Variants in MARCHF3 observed in about 807,000 individuals in gnomAD.
The protein encoded by MARCHF3 is E3 ubiquitin-protein ligase MARCHF3.
In MARCHF3, 13 loss-of-function variants were observed where a neutral mutation model predicts 24.2. The ratio of observed to expected loss-of-function variants is 0.54; its 90% CI spans 0.35 to 0.85. The LOEUF is 0.85. MARCHF3 is among the 40% of genes least tolerant of loss of function. MARCHF3 has a pLI of 0.01. For synonymous variants in MARCHF3, 144 were observed against 137.3 expected (o/e 1.05, Z -0.34); for missense variants, 276 against 325.0 (o/e 0.85, Z 1.16).
At chr5:126,945,642 G>A (rs1749985453) in intron 1 of MARCHF3, among the ~76,000 whole-genome samples, 1 of 152,196 alleles carries the variant, frequency 6.6e-6, no homozygotes, top group South Asian at 2.1e-4. Context: ...ACTTGACCCT[G>A]AGCACAATGG....
intron 1 of MARCHF3, among the ~76,000 whole-genome samples, chr5:126,950,449 T>C (rs761421924): frequency 2.7e-5 from 4 of 148,556 alleles, no homozygotes; most frequent in Non-Finnish European, 5.9e-5. Flanking sequence ...TAAGCTTGCT[T>C]TCACTTCATG....
At chr5:126,980,003 A>G (rs1751342220) in intron 1 of MARCHF3, among the ~76,000 whole-genome samples, 1 of 151,498 alleles carries the variant, frequency 6.6e-6, no homozygotes, top group Non-Finnish European at 1.5e-5. Context: ...ATACTAATTG[A>G]GCCTATTTCA....
At chr5:127,017,462 G>T (rs73787406) in intron 1 of MARCHF3, among the ~76,000 whole-genome samples, 7,825 of 152,220 alleles carry the variant, frequency 0.051, 381 homozygotes, top group South Asian at 0.14. Context: ...CAGAACATAA[G>T]TTGAAAATAT....
At chr5:126,964,052 CT>C (rs994680748) in intron 1 of MARCHF3, among the ~76,000 whole-genome samples, 2 of 152,174 alleles carry the variant, frequency 1.3e-5, no homozygotes, top group Non-Finnish European at 2.9e-5. Context: ...TCAGTTGATA[CT>C]TTGTAGGGTA....
intron 1 of MARCHF3, among the ~76,000 whole-genome samples, chr5:126,985,768 C>G (rs917736950): frequency 6.6e-6 from 1 of 152,188 alleles, no homozygotes; most frequent in African/African-American, 2.4e-5. Flanking sequence ...AGCCACTGCG[C>G]CCGGCCTACC....
intron 1 of MARCHF3, among the ~76,000 whole-genome samples, chr5:127,023,674 T>C (rs1304694487): frequency 6.6e-6 from 1 of 151,688 alleles, no homozygotes. Context: ...GAGGTTGCAG[T>C]GAGCTGAGAT....
intron 3 of MARCHF3, among the ~76,000 whole-genome samples, chr5:126,902,050 G>C (rs1057172635): frequency 6.6e-5 from 10 of 152,100 alleles, no homozygotes; most frequent in African/African-American, 2.4e-4. Context: ...TTGTACATTT[G>C]GAGTTAGCTG....
intron 1 of MARCHF3, among the ~76,000 whole-genome samples, chr5:126,992,453 T>C (rs1407942943): frequency 1.3e-5 from 2 of 152,116 alleles, no homozygotes; most frequent in African/African-American, 2.4e-5. Flanking sequence ...AGACAGAAAA[T>C]AATCATTTTC....
intron 3 of MARCHF3, among the ~76,000 whole-genome samples, chr5:126,897,456 T>C (rs1753961673): frequency 6.6e-6 from 1 of 151,904 alleles, no homozygotes; most frequent in African/African-American, 2.4e-5. Context: ...TTGCAAAATA[T>C]GAGATTAAAA....
intron 1 of MARCHF3, among the ~76,000 whole-genome samples, chr5:126,971,309 C>T (rs1381480412): frequency 6.6e-6 from 1 of 151,598 alleles, no homozygotes; most frequent in Non-Finnish European, 1.5e-5. Context: ...ATTAGCCGGG[C>T]GTGGTGGTGG....
intron 3 of MARCHF3, among the ~76,000 whole-genome samples, chr5:126,881,348 G>C (rs945008066): frequency 4.6e-5 from 7 of 152,124 alleles, no homozygotes; most frequent in Admixed American, 3.9e-4. Flanking sequence ...GCAGGTTTGT[G>C]AGCAAGATCA....
At chr5:127,007,184 A>G (rs1158903439) in intron 1 of MARCHF3, among the ~76,000 whole-genome samples, 1 of 152,050 alleles carries the variant, frequency 6.6e-6, no homozygotes, top group East Asian at 1.9e-4. Context: ...TTTCTTCAAC[A>G]AGATTTTGGC....
At chr5:126,976,742 G>T (rs1325973422) in intron 1 of MARCHF3, among the ~76,000 whole-genome samples, 1 of 152,200 alleles carries the variant, frequency 6.6e-6, no homozygotes, top group Non-Finnish European at 1.5e-5. Context: ...TTGCACACAT[G>T]GCACCTGGCT....
chr5:126,959,453 C>A (rs976120734), intron 1 of MARCHF3, among the ~76,000 whole-genome samples: 4 of 152,100 alleles, frequency 2.6e-5, no homozygotes, highest in African/African-American at 9.7e-5. Flanking sequence ...CAAGAGGAGT[C>A]CAAGGAGGCA....
Position 126,917,974 on chromosome 5 carries a change from G to C in MARCHF3, c.188+10C>G. The stretch of plus-strand genomic sequence containing the variant: ...AATTACAGATTCATTTATTTTAATT[G>C]TGGTACTACCTCTGGGTGGCAAGAG... On this transcript the variant is annotated intron_variant, in intron 2 of 4. Coordinates refer to ENST00000308660, the MANE Select transcript of MARCHF3 (RefSeq NM_178450.5). The C allele has an allele frequency of 6.2e-7, 1 of 1,608,264 alleles. No homozygotes were observed.
chr5:126,894,957 T>C (rs1753823623), intron 3 of MARCHF3, among the ~76,000 whole-genome samples: 1 of 152,106 alleles, frequency 6.6e-6, no homozygotes, highest in Non-Finnish European at 1.5e-5. Context: ...CAATCAGATG[T>C]AGATTTGGTC....
intron 1 of MARCHF3, among the ~76,000 whole-genome samples, chr5:127,016,695 G>C (rs1248426734): frequency 6.6e-6 from 1 of 152,208 alleles, no homozygotes; most frequent in Non-Finnish European, 1.5e-5. Context: ...GTGGAAGACA[G>C]TGTGGCGATT....
chr5:126,979,948 CAAAAAAAAAAAAAA>C (rs757849978), intron 1 of MARCHF3, among the ~76,000 whole-genome samples: 1 of 44,906 alleles, frequency 2.2e-5, no homozygotes, highest in East Asian at 6.8e-4. Context: ...AACTCCATCT[CAAAAAAAAAAAAAA>C]AAAAAAAAAG....
intron 3 of MARCHF3, among the ~76,000 whole-genome samples, chr5:126,893,656 A>G (rs1437973914): frequency 2.7e-5 from 4 of 147,378 alleles, no homozygotes; most frequent in Non-Finnish European, 6.0e-5. Context: ...TCTGAGAGAC[A>G]GTTTGTTATA....
Sources: gnomAD v4.1 joint callset for allele counts (sites outside exome capture counted in the v4.1 genomes callset) on GRCh38, gnomAD v4.1.1 for gene constraint, MANE v1.5 for transcripts, NCBI Gene and HGNC (gene_info 2026-07-23, HGNC 2026-07-21) for gene names.